The following EPHA3 variants were observed in gnomAD, a reference collection of about 807,000 sequenced individuals.
EPHA3 encodes the protein EPH receptor A3.
In EPHA3, 42 loss-of-function variants were observed where a neutral mutation model predicts 107.1. The ratio of observed to expected loss-of-function variants is 0.39; its 90% CI spans 0.31 to 0.51. The LOEUF is 0.51. Among genes scored for constraint, EPHA3 ranks in the 20% least tolerant of loss-of-function variants. The pLI, the probability that EPHA3 is intolerant of heterozygous loss-of-function variation, is 0.78. For synonymous variants in EPHA3, 461 were observed against 424.8 expected (o/e 1.09, Z -1.05); for missense variants, 1,183 against 1,211.2 (o/e 0.98, Z 0.35).
At chr3:89,435,765 C>T (rs1264212595) in intron 13 of EPHA3, among the ~76,000 whole-genome samples, 1 of 150,092 alleles carries the variant, frequency 6.7e-6, no homozygotes, top group Non-Finnish European at 1.5e-5. Flanking sequence ...CCAGCCTGGC[C>T]AACATGGTGA....
rs376213507 is a variant in EPHA3, at chr3:89,171,659, A to T, written c.154-38201A>T. ...GCTTTAGGGTACAACTTCAGAGCTT[A>T]TTGCTAAAAGGTTATATGTTTTCCT... On this transcript the variant is annotated intron_variant, in intron 2 of 16. Coordinates refer to ENST00000336596, the MANE Select transcript of EPHA3 (RefSeq NM_005233.6). Among the ~76,000 whole-genome samples, 90 of 152,298 alleles carry T rather than the reference A, an allele frequency of 5.9e-4. 2 individuals are homozygous for T. The South Asian group carries it at 0.018, about 31-fold the overall frequency.
chr3:89,231,980 C>T (rs1285864834), intron 3 of EPHA3, among the ~76,000 whole-genome samples: 5 of 152,046 alleles, frequency 3.3e-5, no homozygotes, highest in African/African-American at 4.8e-5. Flanking sequence ...TTCCTTCTTT[C>T]CTCCAAGTGC....
chr3:89,359,832 T>TATATACATATATATACATATATATAC (rs747927767), intron 5 of EPHA3, among the ~76,000 whole-genome samples: 28,517 of 122,416 alleles, frequency 0.23, 4,011 homozygotes, highest in African/African-American at 0.28. Flanking sequence ...CATATATATA[T>TATATACATATATATACATATATATAC]ACATATATAT....
chr3:89,208,724 A>C (rs566427475), intron 2 of EPHA3, among the ~76,000 whole-genome samples: 5 of 152,130 alleles, frequency 3.3e-5, no homozygotes, highest in African/African-American at 1.2e-4. Flanking sequence ...ATAATATAAT[A>C]TGTGGAAATA....
At chr3:89,144,175 T>C (rs1704488557) in intron 2 of EPHA3, among the ~76,000 whole-genome samples, 1 of 151,684 alleles carries the variant, frequency 6.6e-6, no homozygotes, top group African/African-American at 2.4e-5. Context: ...TTTCACCATT[T>C]CAATATCATA....
Position 89,480,985 on chromosome 3 carries a change from G to A in EPHA3, c.*1483G>A, listed in dbSNP as rs771223139. The stretch of plus-strand genomic sequence containing the variant: ...TTACTATTACATAAAGGCTAACTAT[G>A]AGCTTGCTCATTAATTTTGAAAAGA... On this transcript the variant is annotated 3_prime_UTR_variant, in exon 17 of 17. Coordinates refer to ENST00000336596, the MANE Select transcript of EPHA3 (RefSeq NM_005233.6). The A allele has an allele frequency of 1.1e-4, 26 of 231,722 alleles. No homozygotes were observed. Among genetic ancestry groups the A allele is most frequent in the Non-Finnish European group, 2.1e-4 (25 of 117,154 alleles). 14.4% of individuals were successfully genotyped at this position (231,722 alleles called of 1,614,324 possible). A position where few individuals can be genotyped will look rare whatever the true frequency, so the allele number is the denominator to read the frequency against.
chr3:89,433,066 G>A (rs1022117481), intron 13 of EPHA3, among the ~76,000 whole-genome samples: 1 of 152,046 alleles, frequency 6.6e-6, no homozygotes, highest in Non-Finnish European at 1.5e-5. Flanking sequence ...GTCTGTCCAT[G>A]ATTACCTCCT....
At chr3:89,311,505 C>T (rs1706765298) in intron 3 of EPHA3, among the ~76,000 whole-genome samples, 1 of 151,962 alleles carries the variant, frequency 6.6e-6, no homozygotes, top group African/African-American at 2.4e-5. Context: ...CCATATATAT[C>T]ATGTACTTAG....
intron 13 of EPHA3, among the ~76,000 whole-genome samples, chr3:89,433,341 GA>G (rs1448027816): frequency 6.6e-6 from 1 of 151,426 alleles, no homozygotes; most frequent in Non-Finnish European, 1.5e-5. Flanking sequence ...AATCACTCGA[GA>G]ACTCCAATAA....
chr3:89,250,712 G>A (rs1705141792), intron 3 of EPHA3, among the ~76,000 whole-genome samples: 1 of 152,130 alleles, frequency 6.6e-6, no homozygotes, highest in Non-Finnish European at 1.5e-5. Context: ...TGGCATCACT[G>A]CCCATTAGCA....
chr3:89,402,457 T>C (rs1379203489), intron 7 of EPHA3, among the ~76,000 whole-genome samples: 1 of 152,144 alleles, frequency 6.6e-6, no homozygotes, highest in Non-Finnish European at 1.5e-5. Context: ...TTCCAGATTT[T>C]AAATATAAAT....
chr3:89,367,843 AAATAGTTGTC>A (rs1157775609), intron 5 of EPHA3, among the ~76,000 whole-genome samples: 2 of 150,764 alleles, frequency 1.3e-5, no homozygotes. Context: ...TCTCAGCTGG[AAATAGTTGTC>A]CTTTTATCAC....
chr3:89,224,187 T>C (rs1280387943), intron 3 of EPHA3, among the ~76,000 whole-genome samples: 7 of 152,156 alleles, frequency 4.6e-5, no homozygotes, highest in Non-Finnish European at 1.0e-4. Context: ...TTTCAGAGAT[T>C]TATAGCATCT....
At chr3:89,107,929 T>A in intron 1 of EPHA3, 93 bp downstream of exon 1, 1 of 1,245,870 alleles carries the variant, frequency 8.0e-7, no homozygotes, top group Non-Finnish European at 1.2e-6. Context: ...GTCGGGAAGG[T>A]GCCTCCGAAT....
chr3:89,296,530 A>ATGCTGTAAACAGATG (rs1706357196), intron 3 of EPHA3, among the ~76,000 whole-genome samples: 1 of 152,156 alleles, frequency 6.6e-6, no homozygotes, highest in Non-Finnish European at 1.5e-5. Flanking sequence ...TAAGTAACCC[A>ATGCTGTAAACAGATG]TGCTGTAAAC....
chr3:89,186,575 G>C (rs375523901), intron 2 of EPHA3, among the ~76,000 whole-genome samples: 1 of 152,030 alleles, frequency 6.6e-6, no homozygotes, highest in Non-Finnish European at 1.5e-5. Flanking sequence ...TGCTTGTATA[G>C]TACTGCCAAT....
At chr3:89,147,879 G>T (rs1362029421) in intron 2 of EPHA3, among the ~76,000 whole-genome samples, 1 of 151,970 alleles carries the variant, frequency 6.6e-6, no homozygotes, top group Non-Finnish European at 1.5e-5. Context: ...TTTGACAGTA[G>T]CATGGAGTAG....
intron 5 of EPHA3, among the ~76,000 whole-genome samples, chr3:89,379,292 T>A (rs1708457006): frequency 6.6e-6 from 1 of 152,134 alleles, no homozygotes; most frequent in Non-Finnish European, 1.5e-5. Flanking sequence ...CAATGCAAAT[T>A]TTACAGCCAA....
At chr3:89,361,699 C>T (rs1708094185) in intron 5 of EPHA3, among the ~76,000 whole-genome samples, 1 of 150,998 alleles carries the variant, frequency 6.6e-6, no homozygotes, top group South Asian at 2.1e-4. Context: ...TCTGAGCGCT[C>T]ACCTCAACAG....
Sources: gnomAD v4.1 joint callset for allele counts (sites outside exome capture counted in the v4.1 genomes callset) on GRCh38, gnomAD v4.1.1 for gene constraint, MANE v1.5 for transcripts, NCBI Gene and HGNC (gene_info 2026-07-23, HGNC 2026-07-21) for gene names.